Variants in PHACTR1 observed in about 807,000 individuals in gnomAD.
The protein encoded by PHACTR1 is phosphatase and actin regulator 1, also known as RPEL repeat containing 1.
Under a neutral mutation model 69.2 loss-of-function variants are expected in PHACTR1, and 16 were observed. The ratio of observed to expected loss-of-function variants is 0.23; its 90% CI spans 0.16 to 0.35. PHACTR1 has a LOEUF of 0.35. Among genes scored for constraint, PHACTR1 ranks in the 10% least tolerant of loss-of-function variants. The probability of loss-of-function intolerance (pLI) is 1.00; values close to 1 mark genes in which losing one functional copy is unlikely to be tolerated. For missense variants in PHACTR1, 510 were observed against 734.7 expected, an observed-to-expected ratio of 0.69 and a Z score of 3.54; for synonymous variants, 312 against 284.5, an observed-to-expected ratio of 1.10 and a Z score of -0.97.
chr6:13,206,412 T>C (rs2113877079), intron 8 of PHACTR1, among the ~76,000 whole-genome samples: 1 of 152,364 alleles, frequency 6.6e-6, no homozygotes, highest in East Asian at 1.9e-4. Flanking sequence ...GTCCTCAGTG[T>C]CATTAGTAGG....
At chr6:13,202,916 A>G (rs1231767514) in intron 7 of PHACTR1, among the ~76,000 whole-genome samples, 5 of 152,244 alleles carry the variant, frequency 3.3e-5, no homozygotes, top group African/African-American at 4.8e-5. Context: ...ACCTTGCACC[A>G]TGTGCATGAG....
chr6:13,050,200 T>C (rs1805711388), intron 4 of PHACTR1, among the ~76,000 whole-genome samples: 1 of 152,228 alleles, frequency 6.6e-6, no homozygotes, highest in Non-Finnish European at 1.5e-5. Context: ...TCAAATTCAG[T>C]GTTACTTCTG....
At chr6:12,918,481 A>G (rs957321659) in intron 4 of PHACTR1, among the ~76,000 whole-genome samples, 1 of 152,200 alleles carries the variant, frequency 6.6e-6, no homozygotes, top group African/African-American at 2.4e-5. Flanking sequence ...CGCATTTATA[A>G]TCGTGTTTGT....
chr6:12,750,012 G>T (rs1460860637), intron 4 of PHACTR1, among the ~76,000 whole-genome samples: 1 of 152,198 alleles, frequency 6.6e-6, no homozygotes, highest in East Asian at 1.9e-4. Flanking sequence ...TCCCACGCGG[G>T]CTTCCCCGGC....
chr6:13,174,864 A>AGGAT (rs1038334537), intron 6 of PHACTR1, among the ~76,000 whole-genome samples: 1 of 152,182 alleles, frequency 6.6e-6, no homozygotes, highest in African/African-American at 2.4e-5. Flanking sequence ...CTAACTTCAT[A>AGGAT]GGATGGATGG....
chr6:12,916,957 A>G (rs1251710803), intron 4 of PHACTR1, among the ~76,000 whole-genome samples: 1 of 152,202 alleles, frequency 6.6e-6, no homozygotes, highest in African/African-American at 2.4e-5. Flanking sequence ...TCAGCATTCA[A>G]GGATACTGTA....
intron 5 of PHACTR1, among the ~76,000 whole-genome samples, chr6:13,066,303 A>G (rs1033321919): frequency 6.6e-6 from 1 of 152,220 alleles, no homozygotes; most frequent in Non-Finnish European, 1.5e-5. Flanking sequence ...GGATAAGTAC[A>G]TGTTGAACTG....
At chr6:12,917,346 G>A (rs529287388) in intron 4 of PHACTR1, among the ~76,000 whole-genome samples, 2 of 152,314 alleles carry the variant, frequency 1.3e-5, no homozygotes, top group African/African-American at 4.8e-5. Flanking sequence ...ATGGGGTGGA[G>A]CCTAGCTCCA....
intron 3 of PHACTR1, among the ~76,000 whole-genome samples, chr6:12,737,956 G>A (rs1764520722): frequency 6.6e-6 from 1 of 152,060 alleles, no homozygotes; most frequent in East Asian, 1.9e-4. Flanking sequence ...ATTTCACACT[G>A]ATACTTTAAT....
chr6:13,023,825 C>T (rs1801318801), intron 4 of PHACTR1, among the ~76,000 whole-genome samples: 1 of 152,170 alleles, frequency 6.6e-6, no homozygotes, highest in African/African-American at 2.4e-5. Flanking sequence ...GCCTGTAATC[C>T]CAGCACTTTG....
At chr6:12,736,684 T>A (rs1764295633) in intron 3 of PHACTR1, among the ~76,000 whole-genome samples, 1 of 152,120 alleles carries the variant, frequency 6.6e-6, no homozygotes, top group Admixed American at 6.5e-5. Context: ...AATAAACATG[T>A]TTTTTTACAA....
At chr6:13,084,087 C>A (rs1377670996) in intron 5 of PHACTR1, among the ~76,000 whole-genome samples, 1 of 151,840 alleles carries the variant, frequency 6.6e-6, no homozygotes, top group African/African-American at 2.4e-5. Context: ...ATGTTTATTG[C>A]GGCACTATTC....
intron 5 of PHACTR1, among the ~76,000 whole-genome samples, chr6:13,093,973 G>T (rs948658089): frequency 6.6e-6 from 1 of 152,198 alleles, no homozygotes; most frequent in Non-Finnish European, 1.5e-5. Flanking sequence ...CTAGGTTCAA[G>T]TGATTCTCCC....
intron 5 of PHACTR1, among the ~76,000 whole-genome samples, chr6:13,112,324 T>A (rs967401503): frequency 6.6e-6 from 1 of 152,230 alleles, no homozygotes; most frequent in African/African-American, 2.4e-5. Flanking sequence ...TTGTGAATAG[T>A]GCTGCAGTGA....
chr6:12,877,913 T>C (rs1724210384), intron 4 of PHACTR1, among the ~76,000 whole-genome samples: 1 of 152,232 alleles, frequency 6.6e-6, no homozygotes, highest in Admixed American at 6.5e-5. Flanking sequence ...TGGCATCTGC[T>C]GACTCTTCCT....
At chr6:13,035,090 G>T (rs546255965) in intron 4 of PHACTR1, among the ~76,000 whole-genome samples, 4 of 152,168 alleles carry the variant, frequency 2.6e-5, no homozygotes, top group Non-Finnish European at 5.9e-5. Flanking sequence ...TATTGTGAAT[G>T]TATTTGAGTT....
At chr6:12,867,249 C>T (rs1328840020) in intron 4 of PHACTR1, among the ~76,000 whole-genome samples, 2 of 152,190 alleles carry the variant, frequency 1.3e-5, no homozygotes, top group Non-Finnish European at 2.9e-5. Flanking sequence ...CTAGCCTTCA[C>T]AGTAGGCACC....
At chr6:13,250,989 CAT>C (rs112910030) in intron 10 of PHACTR1, among the ~76,000 whole-genome samples, 10,345 of 151,344 alleles carry the variant, frequency 0.068, 667 homozygotes, top group Admixed American at 0.22. Flanking sequence ...ATGAAGAAAA[CAT>C]ATCCATTTTA....
intron 5 of PHACTR1, among the ~76,000 whole-genome samples, chr6:13,130,793 C>G (rs1448397320): frequency 6.6e-6 from 1 of 152,046 alleles, no homozygotes; most frequent in Non-Finnish European, 1.5e-5. Flanking sequence ...GGGAATCCTC[C>G]CTAAATCATT....
Sources: allele counts gnomAD v4.1 joint callset (sites outside exome capture counted in the v4.1 genomes callset), GRCh38; gene constraint gnomAD v4.1.1; transcripts MANE v1.5; gene names NCBI Gene and HGNC (gene_info 2026-07-23, HGNC 2026-07-21).